Variants in TBC1D22A observed in about 807,000 individuals in gnomAD.
The protein encoded by TBC1D22A is putative GTPase activator.
TBC1D22A carries 38 observed loss-of-function variants against 60.2 expected under a neutral mutation model. The ratio of observed to expected loss-of-function variants is 0.63; its 90% CI spans 0.49 to 0.83. The LOEUF (loss-of-function observed/expected upper bound fraction) is 0.83. TBC1D22A is among the 40% of genes least tolerant of loss of function. The pLI is 0.00. For synonymous variants in TBC1D22A, 302 were observed against 281.7 expected (o/e 1.07, Z -0.72); for missense variants, 628 against 701.0 (o/e 0.90, Z 1.18).
At chr22:47,057,207 G>A (rs2063422490) in intron 11 of TBC1D22A, among the ~76,000 whole-genome samples, 1 of 152,158 alleles carries the variant, frequency 6.6e-6, no homozygotes, top group African/African-American at 2.4e-5. Flanking sequence ...CCTCAGTCAG[G>A]TTGAGGCTGC....
intron 12 of TBC1D22A, among the ~76,000 whole-genome samples, chr22:47,139,574 C>G (rs1433979964): frequency 6.6e-6 from 1 of 152,222 alleles, no homozygotes; most frequent in Admixed American, 6.5e-5. Flanking sequence ...CTCCTGTGTT[C>G]TCATGAGAGG....
At chr22:47,017,189 A>AT (rs1476250405) in intron 10 of TBC1D22A, among the ~76,000 whole-genome samples, 7 of 152,138 alleles carry the variant, frequency 4.6e-5, no homozygotes, top group Middle Eastern at 3.4e-3. Flanking sequence ...CCTTTTAAGG[A>AT]TTTTTTCCAT....
intron 4 of TBC1D22A, among the ~76,000 whole-genome samples, chr22:46,869,827 C>T (rs901073846): frequency 1.1e-4 from 17 of 152,122 alleles, no homozygotes; most frequent in African/African-American, 3.6e-4. Context: ...GAAAAAAAGA[C>T]GCTTAAATGA....
At position 47,016,175 on chromosome 22, in the gene TBC1D22A, C is replaced by T. The variant is rs529967315; in HGVS notation, c.1201+18466C>T. Among the ~76,000 whole-genome samples the T allele has an allele frequency of 3.5e-3, 539 of 152,276 alleles. 4 individuals are homozygous for T. Among genetic ancestry groups the T allele is most frequent in the Non-Finnish European group, 6.1e-3 (415 of 68,012 alleles). On this transcript the variant is annotated intron_variant, in intron 10 of 12. Coordinates refer to ENST00000337137, the MANE Select transcript of TBC1D22A (RefSeq NM_014346.5). ...GAAGCTTTTACAGTGGGCACTGGCG[C>T]CCTGAACTCCTGAGTGCACCCCCTT...
chr22:47,165,302 G>A (rs1452158568), intron 12 of TBC1D22A, among the ~76,000 whole-genome samples: 2 of 152,152 alleles, frequency 1.3e-5, no homozygotes, highest in Non-Finnish European at 2.9e-5. Context: ...GGGCTCCTCT[G>A]CCACCTCCCA....
At chr22:46,914,964 C>T (rs1352910600) in intron 8 of TBC1D22A, 3 of 193,618 alleles carry the variant, frequency 1.5e-5, no homozygotes, top group East Asian at 2.3e-4. Context: ...GATGTTTTAG[C>T]CATGTCTCGC....
intron 12 of TBC1D22A, among the ~76,000 whole-genome samples, chr22:47,146,850 C>T (rs1196839284): frequency 2.0e-5 from 3 of 152,238 alleles, no homozygotes; most frequent in African/African-American, 7.2e-5. Flanking sequence ...GGCTCTGACA[C>T]AGGTCAAGAG....
At chr22:47,071,990 T>C (rs528792166) in intron 11 of TBC1D22A, among the ~76,000 whole-genome samples, 127 of 152,330 alleles carry the variant, frequency 8.3e-4, no homozygotes, top group African/African-American at 2.9e-3. Context: ...GAAACAGGCC[T>C]GTGTTCCCTT....
chr22:46,810,741 A>G (rs2085344020), intron 4 of TBC1D22A, among the ~76,000 whole-genome samples: 1 of 152,190 alleles, frequency 6.6e-6, no homozygotes, highest in South Asian at 2.1e-4. Context: ...TTTTTTTAAA[A>G]CAATAATTAC....
chr22:47,167,170 G>A lies in TBC1D22A; in HGVS notation c.1426-6328G>A, dbSNP rs573698666. ...TGATGGTCCTTTTGGAGTTCTTCATGCAAATGCATGTCCTTGAATTTGCAT... is the reference window on the plus strand; with the variant it reads ...TGATGGTCCTTTTGGAGTTCTTCATACAAATGCATGTCCTTGAATTTGCAT... On this transcript the variant is annotated intron_variant, in intron 12 of 12. Coordinates refer to ENST00000337137, the MANE Select transcript of TBC1D22A (RefSeq NM_014346.5). 3.8e-4 allele frequency among the ~76,000 whole-genome samples: 58 copies of A among 152,314 alleles called. No individual in the cohort carries two copies. The South Asian group carries it at 0.012, about 32-fold the overall frequency.
chr22:47,082,466 G>GTA (rs1396252776), intron 11 of TBC1D22A, among the ~76,000 whole-genome samples: 1 of 152,080 alleles, frequency 6.6e-6, no homozygotes, highest in Non-Finnish European at 1.5e-5. Flanking sequence ...GACAGGGAGG[G>GTA]TATATTTATA....
chr22:46,794,072 G>T (rs1368408242), intron 3 of TBC1D22A, among the ~76,000 whole-genome samples: 1 of 152,204 alleles, frequency 6.6e-6, no homozygotes, highest in African/African-American at 2.4e-5. Flanking sequence ...TCTCCTCCTA[G>T]TGGAGTGGAG....
intron 1 of TBC1D22A, chr22:46,773,849 A>C (rs2083590282): frequency 1.2e-6 from 1 of 834,410 alleles, no homozygotes; most frequent in Non-Finnish European, 1.4e-6. Context: ...CCTATTTTAC[A>C]AATGAGGAAA....
intron 11 of TBC1D22A, among the ~76,000 whole-genome samples, chr22:47,077,181 G>T (rs1228209995): frequency 6.6e-6 from 1 of 152,208 alleles, no homozygotes; most frequent in African/African-American, 2.4e-5. Flanking sequence ...AGAGTATTTG[G>T]TCGGAAGCTG....
chr22:46,775,957 A>G (rs907912993), intron 1 of TBC1D22A, among the ~76,000 whole-genome samples: 5 of 152,242 alleles, frequency 3.3e-5, no homozygotes, highest in African/African-American at 1.2e-4. Flanking sequence ...CTGTTTGCAC[A>G]TGAGGCCCTG....
intron 11 of TBC1D22A, among the ~76,000 whole-genome samples, chr22:47,053,064 T>C (rs1186327158): frequency 6.6e-6 from 1 of 152,184 alleles, no homozygotes; most frequent in Non-Finnish European, 1.5e-5. Flanking sequence ...GCACCTTCAC[T>C]GTGTGTGAGT....
intron 3 of TBC1D22A, among the ~76,000 whole-genome samples, chr22:46,796,886 G>C (rs115839635): frequency 5.3e-5 from 8 of 152,224 alleles, no homozygotes; most frequent in Admixed American, 1.3e-4. Context: ...CCAGGGCACT[G>C]GTGAGACCCA....
intron 11 of TBC1D22A, among the ~76,000 whole-genome samples, chr22:47,044,380 A>G (rs1173656324): frequency 6.6e-6 from 1 of 152,192 alleles, no homozygotes; most frequent in African/African-American, 2.4e-5. Flanking sequence ...TCGGGTCTCC[A>G]CTTGCCCTTG....
chr22:46,821,818 T>A (rs916159567), intron 4 of TBC1D22A, among the ~76,000 whole-genome samples: 3 of 152,158 alleles, frequency 2.0e-5, no homozygotes, highest in Non-Finnish European at 2.9e-5. Context: ...TGGGTAAATA[T>A]CCTGAAGTGA....
Sources: gnomAD v4.1 joint callset for allele counts (sites outside exome capture counted in the v4.1 genomes callset) on GRCh38, gnomAD v4.1.1 for gene constraint, MANE v1.5 for transcripts, NCBI Gene and HGNC (gene_info 2026-07-23, HGNC 2026-07-21) for gene names.